SERPING1: variants seen among roughly 807,000 people sequenced by gnomAD.
SERPING1 encodes the protein serpin family G member 1, also known as plasma protease C1 inhibitor.
In SERPING1, 5 loss-of-function variants were observed where a neutral mutation model predicts 34.1. The ratio of observed to expected loss-of-function variants is 0.15; its 90% CI spans 0.08 to 0.31. The LOEUF is 0.31. Among genes scored for constraint, SERPING1 ranks in the 10% least tolerant of loss-of-function variants. SERPING1 has a pLI of 1.00. For missense variants in SERPING1, 505 were observed against 609.5 expected (o/e 0.83, Z 1.81); for synonymous variants, 225 against 242.4 (o/e 0.93, Z 0.67).
At chr11:57,605,582 CTTTTT>C (rs35319364) in intron 4 of SERPING1, 19 of 149,416 alleles carry the variant, frequency 1.3e-4, no homozygotes, top group Non-Finnish European at 2.0e-4. Context: ...CTTTCAAGTG[CTTTTT>C]TTTTTTTTTT....
intron 4 of SERPING1, among the ~76,000 whole-genome samples, chr11:57,603,835 T>A: frequency 8.4e-6 from 1 of 119,206 alleles, no homozygotes; most frequent in African/African-American, 3.3e-5. Flanking sequence ...CGAGACACCA[T>A]CTCAAAAAAA....
intron 7 of SERPING1, among the ~76,000 whole-genome samples, chr11:57,613,713 A>G (rs963278490): frequency 2.6e-5 from 4 of 152,080 alleles, no homozygotes; most frequent in African/African-American, 7.2e-5. Flanking sequence ...TTATTACCCA[A>G]TCTCCAGCTC....
At chr11:57,607,428 C>T (rs752128499) in intron 6 of SERPING1, among the ~76,000 whole-genome samples, 5 of 152,174 alleles carry the variant, frequency 3.3e-5, no homozygotes, top group Non-Finnish European at 7.3e-5. Flanking sequence ...ACACTCATCA[C>T]CATCTGAAAT....
chr11:57,603,951 A>T (rs1945379355), intron 4 of SERPING1, among the ~76,000 whole-genome samples: 1 of 151,884 alleles, frequency 6.6e-6, no homozygotes, highest in Admixed American at 6.6e-5. Context: ...GGAGTTCAAG[A>T]CCAGCCTGGC....
At chr11:57,607,589 CTGAATAAATGAA>C (rs1304114877) in intron 6 of SERPING1, among the ~76,000 whole-genome samples, 1 of 152,114 alleles carries the variant, frequency 6.6e-6, no homozygotes, top group African/African-American at 2.4e-5. Flanking sequence ...TCAGTGTTTG[CTGAATAAATGAA>C]TGAATGAAAT....
chr11:57,606,170 C>T lies in SERPING1; in HGVS notation c.846C>T (p.Pro282=), dbSNP rs28362953. ...NKISRLLDSL[P]SDTRLVLLNA... The stretch of plus-strand genomic sequence containing the variant: ...TCAGCCGGCTGCTAGACAGTCTGCC[C>T]TCCGATACCCGCCTTGTCCTCCTCA... The change falls in exon 5 of 8, where the codon CCC becomes CCT. Residue 282 remains proline (P), a synonymous_variant. Transcript: ENST00000278407. 127 of 1,614,150 alleles carry T rather than the reference C, an allele frequency of 7.9e-5. No homozygotes were observed. Among genetic ancestry groups the T allele is most frequent in the Non-Finnish European group, 1.1e-4 (125 of 1,180,028 alleles).
chr11:57,614,398 G>A lies in SERPING1; in HGVS notation c.1320G>A (p.Ala440=), dbSNP rs756351413. The change falls in exon 8 of 8, where the codon GCG becomes GCA. Residue 440 remains alanine (A), a synonymous_variant. Transcript: ENST00000278407. ...LTEDPDLQVS[A]MQHQTVLELT... is the part of the protein sequence containing the mutation. ...AGGACCCAGATCTTCAGGTTTCTGC[G>A]ATGCAGCACCAGACAGTGCTGGAAC... is the stretch of plus-strand genomic sequence containing the variant. The A allele has an allele frequency of 1.2e-5, 20 of 1,613,932 alleles. No individual in the cohort carries two copies. The East Asian group carries it at 1.8e-4, about 14-fold the overall frequency.
intron 7 of SERPING1, among the ~76,000 whole-genome samples, chr11:57,613,937 G>A (rs1945507418): frequency 6.6e-6 from 1 of 152,038 alleles, no homozygotes; most frequent in African/African-American, 2.4e-5. Context: ...TCTAATATTT[G>A]GAGCTAAAGA....
At chr11:57,599,109 G>A (rs1431825258) in intron 2 of SERPING1, among the ~76,000 whole-genome samples, 2 of 152,118 alleles carry the variant, frequency 1.3e-5, no homozygotes, top group Non-Finnish European at 2.9e-5. Flanking sequence ...GTGAAATGGA[G>A]CTAATGCGTG....
chr11:57,606,086 C>G lies in SERPING1; in HGVS notation c.762C>G (p.Asn254Lys). 1.9e-6 allele frequency: 3 copies of G among 1,614,160 alleles called. No individual in the cohort carries two copies. Among genetic ancestry groups the G allele is most frequent in the Non-Finnish European group, 2.5e-6 (3 of 1,180,026 alleles). The stretch of plus-strand genomic sequence containing the variant: ...GCAGCCCCAGAGTCCTAAGCAACAA[C>G]AGTGACGCCAACTTGGAGCTCATCA... ...YSSSPRVLSNNSDANLELINT... is the reference protein window; with the variant it reads ...YSSSPRVLSNKSDANLELINT... Residue 254 changes from asparagine to lysine, a missense_variant, in exon 5 of 8, where the codon AAC becomes AAG. Asn to Lys is a moderately conservative substitution (Grantham distance 94, BLOSUM62 0). Coordinates refer to ENST00000278407, the MANE Select transcript of SERPING1 (RefSeq NM_000062.3).
chr11:57,602,006 G>GT (rs1390056485), intron 3 of SERPING1, 29 bp from the exon 4 acceptor site: 3 of 1,613,878 alleles, frequency 1.9e-6, no homozygotes, highest in Non-Finnish European at 2.5e-6. Flanking sequence ...CATCCTGCAA[G>GT]TATCTTTCAT....
chr11:57,611,888 A>C lies in SERPING1; in HGVS notation c.1201A>C (p.Ile401Leu), dbSNP rs1256855773. 6.2e-7 allele frequency: 1 copy of C among 1,614,204 alleles called. No individual in the cohort carries two copies. Among genetic ancestry groups the C allele is most frequent in the Non-Finnish European group, 8.5e-7 (1 of 1,180,040 alleles). The part of the protein sequence containing the change: ...FQPTLLTLPR[I>L]KVTTSQDMLS... ...GCCCACTCTCCTAACACTACCCCGC[A>C]TCAAAGTGACGACCAGCCAGGATAT... The change falls in exon 7 of 8, where the codon ATC becomes CTC. Residue 401 changes from isoleucine (I) to leucine (L), a missense_variant. Coordinates refer to ENST00000278407, the MANE Select transcript of SERPING1 (RefSeq NM_000062.3).
At chr11:57,605,069 C>T (rs1945393556) in intron 4 of SERPING1, among the ~76,000 whole-genome samples, 1 of 152,084 alleles carries the variant, frequency 6.6e-6, no homozygotes, top group South Asian at 2.1e-4. Context: ...AAAACACCCT[C>T]TTTCAGATGT....
Position 57,606,453 on chromosome 11 carries a change from C to T in SERPING1, c.935C>T (p.Pro312Leu). 1 of 1,614,128 alleles carries T rather than the reference C, an allele frequency of 6.2e-7. No individual in the cohort carries two copies. Residue 312 changes from proline (P) to leucine (L), a missense_variant, in exon 6 of 8, where the codon CCC (proline) becomes CTC (leucine). Transcript: ENST00000278407. ...TFDPKKTRME[P>L]FHFKNSVIKV... ...GATCCCAAGAAAACCAGAATGGAAC[C>T]CTTTCACTTCAAAAACTCAGTTATA...
chr11:57,611,454 T>G (rs1945475303), intron 6 of SERPING1: 1 of 540,594 alleles, frequency 1.8e-6, no homozygotes, highest in Non-Finnish European at 3.3e-6. Context: ...TTGCCCATAT[T>G]ACATAGCTCG....
intron 6 of SERPING1, among the ~76,000 whole-genome samples, chr11:57,609,601 T>C (rs997578762): frequency 2.0e-5 from 3 of 151,904 alleles, no homozygotes; most frequent in African/African-American, 7.2e-5. Flanking sequence ...AATAGGGTGA[T>C]TTTTATATAA....
Position 57,606,623 on chromosome 11 carries a change from C to A in SERPING1, c.1029+76C>A. On this transcript the variant is annotated intron_variant, in intron 6 of 7. Coordinates refer to ENST00000278407, the MANE Select transcript of SERPING1 (RefSeq NM_000062.3). The stretch of plus-strand genomic sequence containing the variant: ...GACTTTTTTTCTGCTGTAGTCCCAT[C>A]ATTTTGGGGTACATGCTTACAAATT... 4.8e-6 allele frequency: 7 copies of A among 1,451,708 alleles called. No individual in the cohort carries two copies. The Admixed American group carries it at 6.7e-5, about 14-fold the overall frequency. The allele number at this position is 1,451,708 out of a possible 1,614,324, so 89.9% of individuals were successfully genotyped here. A position where few individuals can be genotyped will look rare whatever the true frequency, so the allele number is the denominator to read the frequency against.
At position 57,606,115 on chromosome 11, in the gene SERPING1, C is replaced by G. The variant is rs1945406167; in HGVS notation, c.791C>G (p.Thr264Ser). 6.2e-7 allele frequency: 1 copy of G among 1,614,168 alleles called. No homozygotes were observed. Among genetic ancestry groups the G allele is most frequent in the Non-Finnish European group, 8.5e-7 (1 of 1,180,020 alleles). ...NSDANLELIN[T>S]WVAKNTNNKI... ...GACGCCAACTTGGAGCTCATCAACACCTGGGTGGCCAAGAACACCAACAAC... is the reference window on the plus strand; with the variant it reads ...GACGCCAACTTGGAGCTCATCAACAGCTGGGTGGCCAAGAACACCAACAAC... The change falls in exon 5 of 8, where the codon ACC becomes AGC. Residue 264 changes from threonine to serine, a missense_variant. Physicochemically the swap from Thr to Ser is moderately conservative, Grantham distance 58. Coordinates refer to ENST00000278407, the MANE Select transcript of SERPING1 (RefSeq NM_000062.3).
rs530712958 is a variant in SERPING1, at chr11:57,606,376, A to G, written c.890-32A>G. The G allele has an allele frequency of 2.5e-5, 40 of 1,613,980 alleles. No individual in the cohort carries two copies. The Middle Eastern group carries it at 1.8e-3, about 73-fold the overall frequency. ...TCCTCTTCATCCTTTTCCTACCTGC[A>G]TTAGAGCAACCCTCCCACCTCTTCC... On this transcript the variant is annotated intron_variant, in intron 5 of 7. Transcript: ENST00000278407.
Sources: gnomAD v4.1 joint callset for allele counts (sites outside exome capture counted in the v4.1 genomes callset) on GRCh38, gnomAD v4.1.1 for gene constraint, MANE v1.5 for transcripts, NCBI Gene and HGNC (gene_info 2026-07-23, HGNC 2026-07-21) for gene names.